Variants in TFEC observed in about 807,000 individuals in gnomAD.
TFEC encodes transcription factor EC.
A neutral mutation model predicts 41.6 loss-of-function variants in TFEC; 31 were observed. The observed-to-expected ratio is 0.74, with a 90% confidence interval of 0.56 to 1.01. The LOEUF (loss-of-function observed/expected upper bound fraction) is 1.01, where lower values mean the gene tolerates loss of function less well. Among genes scored for constraint, TFEC ranks in the 50% least tolerant of loss-of-function variants. The pLI is 0.00. For synonymous variants in TFEC, 143 were observed against 140.6 expected (o/e 1.02, Z -0.12); for missense variants, 402 against 404.1 (o/e 0.99, Z 0.04).
chr7:116,039,142 T>C (rs955551524), intron 3 of TFEC, among the ~76,000 whole-genome samples: 3 of 152,092 alleles, frequency 2.0e-5, no homozygotes, highest in Non-Finnish European at 4.4e-5. Flanking sequence ...GACAAATGAC[T>C]ATGACATTCT....
chr7:115,951,878 T>C (rs1299278719), intron 5 of TFEC, among the ~76,000 whole-genome samples: 1 of 152,086 alleles, frequency 6.6e-6, no homozygotes, highest in Non-Finnish European at 1.5e-5. Flanking sequence ...ATTACTCTTC[T>C]CTAAGAGCAG....
At chr7:116,010,536 A>T (rs1794961613) in intron 1 of TFEC, among the ~76,000 whole-genome samples, 1 of 152,184 alleles carries the variant, frequency 6.6e-6, no homozygotes, top group South Asian at 2.1e-4. Context: ...GAAGATGTCC[A>T]GGAGGGGAAA....
At chr7:116,090,930 C>T (rs541662743) in intron 3 of TFEC, among the ~76,000 whole-genome samples, 2 of 150,222 alleles carry the variant, frequency 1.3e-5, no homozygotes, top group South Asian at 2.1e-4. Context: ...GAACATAGGG[C>T]ACAGGGAGGG....
rs529719739 is a variant in TFEC at position 116,124,817 on chromosome 7, T to C, written c.-68-12779A>G. ...AGGACAATTACTTCTATGCTGTATA[T>C]ATTGCTGTTTTACCATAAAAGAGCA... On this transcript the variant is annotated intron_variant, in intron 1 of 8. Coordinates refer to the TFEC transcript ENST00000484212. Among the ~76,000 whole-genome samples the C allele has an allele frequency of 5.3e-5, 8 of 152,330 alleles. No individual in the cohort carries two copies. The South Asian group carries it at 1.7e-3, about 32-fold the overall frequency.
intron 6 of TFEC, among the ~76,000 whole-genome samples, chr7:115,944,308 C>G (rs1200308098): frequency 6.6e-6 from 1 of 151,318 alleles, no homozygotes; most frequent in Non-Finnish European, 1.5e-5. Context: ...AAAAGTGTTT[C>G]CAAGAAAGCT....
chr7:115,954,659 T>C lies in TFEC; in HGVS notation c.383-17A>G. On this transcript the variant is annotated splice_polypyrimidine_tract_variant and intron_variant, in intron 4 of 7. Coordinates refer to ENST00000265440, the MANE Select transcript of TFEC (RefSeq NM_012252.4). ...TGTCAGTTTCTGATCAAAAGAAAAA[T>C]AATAAAAACCATGCTTAGTTCTACC... The C allele has an allele frequency of 6.2e-7, 1 of 1,606,034 alleles. No individual in the cohort carries two copies. Among genetic ancestry groups the C allele is most frequent in the Non-Finnish European group, 8.5e-7 (1 of 1,176,418 alleles).
At chr7:116,039,696 A>G (rs1339750558) in intron 3 of TFEC, among the ~76,000 whole-genome samples, 1 of 152,108 alleles carries the variant, frequency 6.6e-6, no homozygotes, top group Non-Finnish European at 1.5e-5. Context: ...CCAGAGAGAT[A>G]GAAAAAAAGA....
Position 116,131,718 on chromosome 7 carries a change from A to G in TFEC, c.-68-19680T>C, listed in dbSNP as rs1172078167. ...AAATTGTTTCCTCAAGTATTGTTCC[A>G]TCTTGTTTCTATCATCATCTCCACT... On this transcript the variant is annotated intron_variant, in intron 1 of 8. Transcript: ENST00000484212. Among the ~76,000 whole-genome samples, 3 of 152,138 alleles carry G rather than the reference A, an allele frequency of 2.0e-5. No homozygotes were observed. In the East Asian group the frequency reaches 5.8e-4, roughly 29 times the overall value.
chr7:116,157,123 C>G (rs1798886015), intron 1 of TFEC, among the ~76,000 whole-genome samples: 1 of 152,020 alleles, frequency 6.6e-6, no homozygotes, highest in East Asian at 1.9e-4. Flanking sequence ...AAATTGTATC[C>G]TTCTTTTATC....
intron 6 of TFEC, among the ~76,000 whole-genome samples, chr7:115,944,514 T>C (rs4395818): frequency 1.3e-5 from 2 of 151,354 alleles, no homozygotes; most frequent in Non-Finnish European, 2.9e-5. Flanking sequence ...GACCTCACCA[T>C]TTTGACCTGC....
intron 3 of TFEC, among the ~76,000 whole-genome samples, chr7:116,085,888 GT>G (rs1797193066): frequency 6.6e-6 from 1 of 151,770 alleles, no homozygotes; most frequent in Non-Finnish European, 1.5e-5. Context: ...TGATTCCAAA[GT>G]TATTAAATGT....
At chr7:116,045,817 G>C (rs1796150091) in intron 3 of TFEC, among the ~76,000 whole-genome samples, 1 of 152,216 alleles carries the variant, frequency 6.6e-6, no homozygotes, top group Non-Finnish European at 1.5e-5. Flanking sequence ...AGCCAAGAGG[G>C]AGGCTGGACC....
chr7:116,059,898 T>G (rs1475048330), intron 3 of TFEC, among the ~76,000 whole-genome samples: 1 of 152,048 alleles, frequency 6.6e-6, no homozygotes, highest in African/African-American at 2.4e-5. Context: ...GCTTTTCCAC[T>G]AAAATCAGAA....
intron 6 of TFEC, among the ~76,000 whole-genome samples, chr7:115,946,606 T>C (rs1370832858): frequency 2.4e-5 from 3 of 124,268 alleles, no homozygotes; most frequent in Admixed American, 7.7e-5. Flanking sequence ...TCTTTCTTTC[T>C]TTTTTCTTTC....
At chr7:116,107,973 TG>T (rs1183106421) in intron 3 of TFEC, among the ~76,000 whole-genome samples, 1 of 152,180 alleles carries the variant, frequency 6.6e-6, no homozygotes, top group Non-Finnish European at 1.5e-5. Flanking sequence ...AAAAATATAT[TG>T]TTTTATCATG....
intron 3 of TFEC, among the ~76,000 whole-genome samples, chr7:115,967,414 G>A (rs1408238563): frequency 6.6e-6 from 1 of 151,784 alleles, no homozygotes; most frequent in African/African-American, 2.4e-5. Context: ...GAGGATCACT[G>A]TAGGAGAGCC....
At chr7:115,947,025 T>G (rs1464674759) in intron 6 of TFEC, among the ~76,000 whole-genome samples, 1 of 149,916 alleles carries the variant, frequency 6.7e-6, no homozygotes, top group Admixed American at 6.6e-5. Flanking sequence ...ACCCACTAAC[T>G]CGTCATCTAG....
intron 3 of TFEC, among the ~76,000 whole-genome samples, chr7:115,966,052 A>C (rs1385692933): frequency 6.6e-6 from 1 of 151,496 alleles, no homozygotes; most frequent in Non-Finnish European, 1.5e-5. Flanking sequence ...TCCCAGACTA[A>C]CTCATAGTTT....
rs895070441 is a variant in TFEC at position 115,939,289 on chromosome 7, G to C, written c.*1262C>G. On this transcript the variant is annotated 3_prime_UTR_variant, in exon 8 of 8. Coordinates refer to ENST00000265440, the MANE Select transcript of TFEC (RefSeq NM_012252.4). The stretch of plus-strand genomic sequence containing the variant: ...ATTGATCGGATGATCACTCTTGGAG[G>C]TCCAGCACAGAGCAACGTGCTTGGT... The C allele has an allele frequency of 6.6e-6, 1 of 151,914 alleles. No homozygotes were observed. The highest frequency in any genetic ancestry group is 1.5e-5 in the Non-Finnish European group (1 of 67,952). The allele number at this position is 151,914 out of a possible 1,614,324, so 9.4% of individuals were successfully genotyped here. A position where few individuals can be genotyped will look rare whatever the true frequency, so the allele number is the denominator to read the frequency against.
Sources: allele counts gnomAD v4.1 joint callset (sites outside exome capture counted in the v4.1 genomes callset), GRCh38; gene constraint gnomAD v4.1.1; transcripts MANE v1.5; gene names NCBI Gene and HGNC (gene_info 2026-07-23, HGNC 2026-07-21).